Variants in SETX observed in about 807,000 individuals in gnomAD.
SETX encodes helicase senataxin.
SETX carries 90 observed loss-of-function variants against 227.2 expected under a neutral mutation model. The ratio of observed to expected loss-of-function variants is 0.40; its 90% CI spans 0.33 to 0.47. SETX has a LOEUF of 0.47. Ranked by LOEUF, SETX falls within the 20% of genes least tolerant of loss-of-function variation. The pLI is 0.91. For missense variants in SETX, 3,052 were observed against 3,181.5 expected (o/e 0.96, Z 0.98); for synonymous variants, 1,210 against 1,113.2 (o/e 1.09, Z -1.73).
chr9:132,309,408 C>T (rs558255055), intron 11 of SETX, among the ~76,000 whole-genome samples: 42 of 152,056 alleles, frequency 2.8e-4, no homozygotes, highest in African/African-American at 9.6e-4. Flanking sequence ...TGGAACCCAA[C>T]CCACATGCCT....
At chr9:132,314,906 G>GTTT (rs559979271) in intron 10 of SETX, among the ~76,000 whole-genome samples, 180 of 88,424 alleles carry the variant, frequency 2.0e-3, no homozygotes, top group African/African-American at 3.0e-3. Flanking sequence ...ATTTTATTGT[G>GTTT]TTTTTTTTTT....
At chr9:132,281,096 A>G (rs1843474848) in intron 20 of SETX, among the ~76,000 whole-genome samples, 1 of 152,190 alleles carries the variant, frequency 6.6e-6, no homozygotes, top group Non-Finnish European at 1.5e-5. Flanking sequence ...TTATTTCTGA[A>G]GTTTTTCTTT....
In SETX at chr9:132,297,042, T is replaced by G. The variant is rs1844715167; in HGVS notation, c.5794A>C (p.Arg1932=). The G allele has an allele frequency of 1.2e-6, 2 of 1,612,816 alleles. No individual in the cohort carries two copies. The highest frequency in any genetic ancestry group is 1.7e-6 in the Non-Finnish European group (2 of 1,179,230). The change falls in exon 14 of 26, where the codon AGA becomes CGA. Residue 1932 remains arginine (R), a synonymous_variant. Transcript: ENST00000224140. ...TTCTTTTGATCTTCATTGAAATCTC[T>G]TAAGTACGCAATCTATATAAAAAAC... is the stretch of plus-strand genomic sequence containing the variant. The part of the protein sequence containing the change: ...TTSERIIAYL[R]DFNEDQKKAI...
At chr9:132,320,861 TGCAAA>T (rs1399022014) in intron 10 of SETX, among the ~76,000 whole-genome samples, 20 of 151,836 alleles carry the variant, frequency 1.3e-4, no homozygotes, top group Admixed American at 1.2e-3. Flanking sequence ...CTTTGGAAGC[TGCAAA>T]GCAGAGGGAT....
chr9:132,354,493 C>G (rs923538752), intron 1 of SETX, among the ~76,000 whole-genome samples: 13 of 55,868 alleles, frequency 2.3e-4, no homozygotes, highest in Non-Finnish European at 6.5e-4. Flanking sequence ...GAGACCCCGT[C>G]TCAAAAAAAA....
chr9:132,348,738 C>CA (rs36033334), intron 3 of SETX, among the ~76,000 whole-genome samples: 123,885 of 151,678 alleles, frequency 0.82, 51,124 homozygotes, highest in Non-Finnish European at 0.87. Flanking sequence ...CCAGCCTGGG[C>CA]AAAATAATAA....
intron 11 of SETX, among the ~76,000 whole-genome samples, chr9:132,303,430 C>A: frequency 2.1e-5 from 3 of 142,814 alleles, no homozygotes; most frequent in South Asian, 2.2e-4. Context: ...AAAATTAAAC[C>A]ATAAAATTTA....
intron 5 of SETX, among the ~76,000 whole-genome samples, chr9:132,340,253 G>T (rs989163862): frequency 2.0e-5 from 3 of 151,954 alleles, no homozygotes; most frequent in Admixed American, 6.6e-5. Context: ...ACAATGTGTA[G>T]GTTTGTTGGT....
chr9:132,327,553 G>T lies in SETX; in HGVS notation c.4045C>A (p.Gln1349Lys), dbSNP rs146407699. 3.1e-6 allele frequency: 5 copies of T among 1,614,072 alleles called. No individual in the cohort carries two copies. Among genetic ancestry groups the T allele is most frequent in the Non-Finnish European group, 8.5e-7 (1 of 1,180,038 alleles). Residue 1349 changes from glutamine to lysine, a missense_variant, in exon 10 of 26, where the codon CAG becomes AAG. Transcript: ENST00000224140. ...NKKLLTSQEL[Q>K]MQRQIRPKSQ... The stretch of plus-strand genomic sequence containing the variant: ...TTGGGTCTGATCTGCCTTTGCATCT[G>T]AAGTTCTTGACTAGTCAGAAGTTTC...
chr9:132,341,038 C>A (rs1847925965), intron 5 of SETX, among the ~76,000 whole-genome samples: 1 of 152,068 alleles, frequency 6.6e-6, no homozygotes, highest in Non-Finnish European at 1.5e-5. Flanking sequence ...CCATCTCCCA[C>A]ATTCACCTTT....
intron 11 of SETX, among the ~76,000 whole-genome samples, chr9:132,302,379 G>C (rs111801031): frequency 7.7e-4 from 101 of 131,958 alleles, no homozygotes; most frequent in African/African-American, 3.0e-3. Context: ...AAAAAAAAAG[G>C]CCAGGTGTGG....
At chr9:132,332,941 GTTTT>G (rs372762370) in intron 7 of SETX, among the ~76,000 whole-genome samples, 1,512 of 148,888 alleles carry the variant, frequency 0.01, 13 homozygotes, top group South Asian at 0.035. Context: ...AAAGGTGTTT[GTTTT>G]TTTTTAAGAT....
intron 4 of SETX, among the ~76,000 whole-genome samples, chr9:132,344,608 C>T (rs1425631481): frequency 1.3e-5 from 2 of 152,170 alleles, no homozygotes; most frequent in Non-Finnish European, 2.9e-5. Flanking sequence ...GGCACGCTGG[C>T]TTACACCTGT....
At chr9:132,275,126 C>T in intron 23 of SETX, 130 bp downstream of exon 23, 2 of 968,414 alleles carry the variant, frequency 2.1e-6, no homozygotes, top group Admixed American at 1.8e-5. Context: ...CAGCAGCATC[C>T]CAGCTTCCTC....
chr9:132,336,531 A>G lies in SETX; in HGVS notation c.499-16T>C. ...AACGCCGAACCTAAATGCAGAATAT[A>G]TTTATTACTTAATTCAATAAACAAT... is the stretch of plus-strand genomic sequence containing the variant. On this transcript the variant is annotated splice_polypyrimidine_tract_variant and intron_variant, in intron 5 of 25. Transcript: ENST00000224140. 6.4e-7 allele frequency: 1 copy of G among 1,554,038 alleles called. No individual in the cohort carries two copies. Among genetic ancestry groups the G allele is most frequent in the Admixed American group, 1.7e-5 (1 of 59,966 alleles).
At chr9:132,336,818 C>G (rs1847652435) in intron 5 of SETX, among the ~76,000 whole-genome samples, 1 of 152,218 alleles carries the variant, frequency 6.6e-6, no homozygotes, top group Non-Finnish European at 1.5e-5. Context: ...AATTTCAGTA[C>G]TTTGGGAGGC....
chr9:132,293,966 G>C (rs1419925504), intron 15 of SETX, among the ~76,000 whole-genome samples: 1 of 152,146 alleles, frequency 6.6e-6, no homozygotes, highest in Non-Finnish European at 1.5e-5. Context: ...GGAGCTTGCA[G>C]TGAGCCGAGA....
Position 132,329,537 on chromosome 9 carries a change from T to G in SETX, c.2061A>C (p.Ser687=). ...TGTTTTTACTACTCTGCTTTAAGCA[T>G]GACCCAGCTAAGAGATGGTCCTCTA... ...VKLEDHLLAG[S]CLKQSSKNIF... is the part of the protein sequence containing the mutation. The change falls in exon 10 of 26, where the codon TCA becomes TCC. Residue 687 remains serine (S), a synonymous_variant. Coordinates refer to ENST00000224140, the MANE Select transcript of SETX (RefSeq NM_015046.7). The G allele has an allele frequency of 6.2e-7, 1 of 1,613,308 alleles. No homozygotes were observed. The highest frequency in any genetic ancestry group is 2.2e-5 in the East Asian group (1 of 44,864).
chr9:132,343,480 G>C (rs565746732), intron 4 of SETX, among the ~76,000 whole-genome samples: 1 of 152,152 alleles, frequency 6.6e-6, no homozygotes, highest in East Asian at 1.9e-4. Context: ...CAAAAACAAG[G>C]AATAAAGTCA....
Sources: gnomAD v4.1 joint callset for allele counts (sites outside exome capture counted in the v4.1 genomes callset) on GRCh38, gnomAD v4.1.1 for gene constraint, MANE v1.5 for transcripts, NCBI Gene and HGNC (gene_info 2026-07-23, HGNC 2026-07-21) for gene names.